KDM6B: variants seen among roughly 807,000 people sequenced by gnomAD.
KDM6B encodes the protein lysine-specific demethylase 6B.
A neutral mutation model predicts 150.4 loss-of-function variants in KDM6B; 22 were observed. The ratio of observed to expected loss-of-function variants is 0.15; its 90% CI spans 0.10 to 0.21. The LOEUF (loss-of-function observed/expected upper bound fraction) is 0.21, where lower values mean the gene tolerates loss of function less well. KDM6B is among the 10% of genes least tolerant of loss of function. KDM6B has a pLI of 1.00. For synonymous variants in KDM6B, 1,148 were observed against 921.1 expected, an observed-to-expected ratio of 1.25 and a Z score of -4.46; for missense variants, 1,984 against 2,234.3, an observed-to-expected ratio of 0.89 and a Z score of 2.26.
rs779925225 is a variant in KDM6B, at chr17:7,846,753, G to T, written c.711+13G>T. On this transcript the variant is annotated intron_variant, in intron 9 of 23. Transcript: ENST00000448097. ...CAACTCTGAACAGGTGTGGGTATAG[G>T]GGGGCCAGCAGGCAGTAAGTAGGCA... The T allele has an allele frequency of 3.1e-6, 5 of 1,613,968 alleles. No homozygotes were observed. The South Asian group carries it at 5.5e-5, about 18-fold the overall frequency.
In KDM6B at chr17:7,847,817, G is replaced by A. The variant is rs779498941; in HGVS notation, c.1529G>A (p.Gly510Glu). 488 of 1,546,484 alleles carry A rather than the reference G, an allele frequency of 3.2e-4. No individual in the cohort carries two copies. Among genetic ancestry groups the A allele is most frequent in the Non-Finnish European group, 3.8e-4 (440 of 1,145,070 alleles). ...GAAGAGCTCTTCTTTGGGACTGAGGGACCCCCCCGCCCTGCCCCACCACCC... is the reference window on the plus strand; with the variant it reads ...GAAGAGCTCTTCTTTGGGACTGAGGAACCCCCCCGCCCTGCCCCACCACCC... ...ILEELFFGTE[G>E]PPRPAPPPLP... The change falls in exon 12 of 24, where the codon GGA becomes GAA. Residue 510 changes from glycine to glutamate, a missense_variant. By Grantham distance (98) the Gly-to-Glu change is moderately conservative. Transcript: ENST00000448097.
Position 7,847,860 on chromosome 17 carries a change from C to T in KDM6B, c.1572C>T (p.Gly524=). 8.2e-7 allele frequency: 1 copy of T among 1,215,682 alleles called. No individual in the cohort carries two copies. Among genetic ancestry groups the T allele is most frequent in the Non-Finnish European group, 1.1e-6 (1 of 916,424 alleles). 75.3% of individuals were successfully genotyped at this position (1,215,682 alleles called of 1,614,324 possible). A position where few individuals can be genotyped will look rare whatever the true frequency, so the allele number is the denominator to read the frequency against. Residue 524 remains glycine (G), a synonymous_variant, in exon 12 of 24, where the codon GGC becomes GGT. Transcript: ENST00000448097. The part of the protein sequence containing the change: ...PAPPPLPHRE[G]FLGPPASRFS... ...CACCACCCCTCCCCCATCGCGAGGG[C>T]TTCTTGGGGCCTCCGGCCTCCCGCT...
At position 7,846,240 on chromosome 17, in the gene KDM6B, C is replaced by G; in HGVS notation, c.399C>G (p.Ala133=). 6.2e-7 allele frequency: 1 copy of G among 1,614,036 alleles called. No individual in the cohort carries two copies. Among genetic ancestry groups the G allele is most frequent in the Admixed American group, 1.7e-5 (1 of 60,026 alleles). ...AGGCCACACGCTGCTACCACAGCGC[C>G]CTTCGATACGGAGGAAGCTTCGCTG... ...SEEATRCYHS[A]LRYGGSFAEL... The change falls in exon 7 of 24, where the codon GCC becomes GCG. Residue 133 remains alanine (A), a synonymous_variant. Coordinates refer to ENST00000448097, the MANE Select transcript of KDM6B (RefSeq NM_001348716.2).
chr17:7,853,495 C>T lies in KDM6B; in HGVS notation c.4909-3C>T, dbSNP rs2078746973. On this transcript the variant is annotated splice_region_variant and splice_polypyrimidine_tract_variant and intron_variant, in intron 23 of 23. Coordinates refer to ENST00000448097, the MANE Select transcript of KDM6B (RefSeq NM_001348716.2). ...TGAGCCCCCGCCGGCTTTCTCCCCCCAGGCCCCAGCCAGCACGTCGCGATG... is the reference window on the plus strand; with the variant it reads ...TGAGCCCCCGCCGGCTTTCTCCCCCTAGGCCCCAGCCAGCACGTCGCGATG... 1 of 1,508,246 alleles carries T rather than the reference C, an allele frequency of 6.6e-7. No individual in the cohort carries two copies. Among genetic ancestry groups the T allele is most frequent in the African/African-American group, 1.4e-5 (1 of 71,036 alleles). 93.4% of individuals were successfully genotyped at this position (1,508,246 alleles called of 1,614,324 possible). A position where few individuals can be genotyped will look rare whatever the true frequency, so the allele number is the denominator to read the frequency against.
chr17:7,846,371 G>GGGCCGGCC, intron 7 of KDM6B, 29 bp from the exon 8 acceptor site: 7 of 1,488,856 alleles, frequency 4.7e-6, no homozygotes, highest in Non-Finnish European at 6.4e-6. Flanking sequence ...CCTGACATCT[G>GGGCCGGCC]CCCCTGCCCC....
chr17:7,836,625 T>G (rs546907912), intron 1 of KDM6B, among the ~76,000 whole-genome samples: 2 of 151,904 alleles, frequency 1.3e-5, no homozygotes, highest in African/African-American at 4.8e-5. Flanking sequence ...CCGTCAGAAA[T>G]GTGGGTTGGG....
Position 7,847,341 on chromosome 17 carries a change from C to T in KDM6B, c.1146C>T (p.Cys382=), listed in dbSNP as rs59062945. 8.2e-4 allele frequency: 1,316 copies of T among 1,610,970 alleles called. 9 individuals carry two copies. In the African/African-American group the frequency reaches 0.015, roughly 18 times the overall value. ...SSVSPAATTA[C]VPYAPSRPPG... The stretch of plus-strand genomic sequence containing the variant: ...TTTCACCAGCAGCAACCACCGCCTG[C>T]GTGCCTTACGCCCCTTCCCGGCCCC... The change falls in exon 11 of 24, where the codon TGC becomes TGT. Residue 382 remains cysteine, a synonymous_variant. Transcript: ENST00000448097.
At chr17:7,850,574 T>C (rs1335991181) in intron 14 of KDM6B, among the ~76,000 whole-genome samples, 3 of 152,266 alleles carry the variant, frequency 2.0e-5, no homozygotes, top group Admixed American at 1.3e-4. Context: ...ATGTTCTCCC[T>C]TCCCCACACT....
At chr17:7,840,679 C>G (rs118014787) in intron 2 of KDM6B, 1 of 152,242 alleles carries the variant, frequency 6.6e-6, no homozygotes, top group East Asian at 1.9e-4. Flanking sequence ...GGCTTAAGTT[C>G]TCTCTGTGTT....
Position 7,847,554 on chromosome 17 carries a change from T to C in KDM6B, c.1266T>C (p.Ala422=). The C allele has an allele frequency of 1.2e-6, 2 of 1,613,288 alleles. No homozygotes were observed. Among genetic ancestry groups the C allele is most frequent in the Non-Finnish European group, 1.7e-6 (2 of 1,179,920 alleles). Residue 422 remains alanine (A), a synonymous_variant, in exon 12 of 24, where the codon GCT becomes GCC. Coordinates refer to ENST00000448097, the MANE Select transcript of KDM6B (RefSeq NM_001348716.2). ...TGCTTCTACACTTGCAGCCCGGCGC[T>C]GACCATTACCAAACTCCCGCGCTGG... is the stretch of plus-strand genomic sequence containing the variant. ...GVEPNPGIPG[A]DHYQTPALEV...
In KDM6B at chr17:7,849,504, G is replaced by T. The variant is rs755974976; in HGVS notation, c.3216G>T (p.Lys1072Asn). 1.2e-6 allele frequency: 2 copies of T among 1,612,766 alleles called. No homozygotes were observed. The highest frequency in any genetic ancestry group is 1.7e-6 in the Non-Finnish European group (2 of 1,179,960). The change falls in exon 12 of 24, where the codon AAG (lysine) becomes AAT (asparagine). Residue 1072 changes from lysine (K) to asparagine (N), a missense_variant. This residue lies in a region of KDM6B where 1,379 missense variants were observed against 1,275.6 expected (regional missense o/e 1.08). Transcript: ENST00000448097. ...PTPPSASVPG[K>N]KAREEAPGPP... ...CCCCGTCAGCCTCTGTCCCTGGAAA[G>T]AAGGCTCGGGAGGAAGCCCCAGGGC...
rs752387263 is a variant in KDM6B, at chr17:7,846,991, A to C, written c.884A>C (p.Lys295Thr). Residue 295 changes from lysine (K) to threonine (T), a missense_variant, in exon 10 of 24, where the codon AAG becomes ACG. This residue lies in a region of KDM6B where 1,379 missense variants were observed against 1,275.6 expected (regional missense o/e 1.08). Coordinates refer to ENST00000448097, the MANE Select transcript of KDM6B (RefSeq NM_001348716.2). ...GGAGATGCCTGGGGCCCAGAGCGCAAGGGTTCAGCACCCCCAGAGCGCCAG... is the reference window on the plus strand; with the variant it reads ...GGAGATGCCTGGGGCCCAGAGCGCACGGGTTCAGCACCCCCAGAGCGCCAG... Reference protein sequence around the residue: ...LHGDAWGPERKGSAPPERQEQ... With the variant: ...LHGDAWGPERTGSAPPERQEQ... 9 of 1,613,250 alleles carry C rather than the reference A, an allele frequency of 5.6e-6. No homozygotes were observed. The South Asian group carries it at 9.9e-5, about 18-fold the overall frequency.
Position 7,848,068 on chromosome 17 carries a change from C to T in KDM6B, c.1780C>T (p.Pro594Ser). 6.2e-7 allele frequency: 1 copy of T among 1,612,752 alleles called. No homozygotes were observed. Among genetic ancestry groups the T allele is most frequent in the Non-Finnish European group, 8.5e-7 (1 of 1,179,534 alleles). ...CCGGCCTCCCAGCCCAGCACAGAAC[C>T]CCCAGGACCCACCTCTTGTACCCCT... ...LPRPPSPAQN[P>S]QDPPLVPLTL... Residue 594 changes from proline to serine, a missense_variant, in exon 12 of 24, where the codon CCC (proline) becomes TCC (serine). By Grantham distance (74) the Pro-to-Ser change is moderately conservative. Coordinates refer to ENST00000448097, the MANE Select transcript of KDM6B (RefSeq NM_001348716.2).
rs1460222473 is a variant in KDM6B at position 7,846,308 on chromosome 17, G to A, written c.456+11G>A. On this transcript the variant is annotated intron_variant, in intron 7 of 23. Coordinates refer to ENST00000448097, the MANE Select transcript of KDM6B (RefSeq NM_001348716.2). The stretch of plus-strand genomic sequence containing the variant: ...GGCCGACTGCAGCAGGTAGGAGAAG[G>A]CAGGGCGTGGGGGACGGGATTGTAC... 6.2e-7 allele frequency: 1 copy of A among 1,609,664 alleles called. No homozygotes were observed. Among genetic ancestry groups the A allele is most frequent in the Non-Finnish European group, 8.5e-7 (1 of 1,177,972 alleles).
At chr17:7,840,687 G>A (rs2078400500) in intron 2 of KDM6B, 1 of 152,200 alleles carries the variant, frequency 6.6e-6, no homozygotes, top group South Asian at 2.1e-4. Context: ...TTCTCTCTGT[G>A]TTGTTCTTCC....
Position 7,852,329 on chromosome 17 carries a change from C to T in KDM6B, c.4461C>T (p.Pro1487=), listed in dbSNP as rs746439140. 1 of 1,612,834 alleles carries T rather than the reference C, an allele frequency of 6.2e-7. No individual in the cohort carries two copies. Among genetic ancestry groups the T allele is most frequent in the Non-Finnish European group, 8.5e-7 (1 of 1,179,850 alleles). Residue 1487 remains proline, a synonymous_variant, in exon 20 of 24, where the codon CCC becomes CCT. Coordinates refer to ENST00000448097, the MANE Select transcript of KDM6B (RefSeq NM_001348716.2). ...WCNNIAWNVG[P]LTAYQYQLAL... Reference sequence around the variant, plus strand: ...ACAACATTGCCTGGAACGTGGGGCCCCTCACCGGTGAGAGGGTGGGGCAGG... The same window carrying T: ...ACAACATTGCCTGGAACGTGGGGCCTCTCACCGGTGAGAGGGTGGGGCAGG...
intron 7 of KDM6B, 29 bp from the exon 8 acceptor site, chr17:7,846,371 G>GGGGGGGGGGCGGGGGGGCCCCCCCCC: frequency 6.7e-7 from 1 of 1,488,926 alleles, no homozygotes; most frequent in Non-Finnish European, 9.2e-7. Flanking sequence ...CCTGACATCT[G>GGGGGGGGGGCGGGGGGGCCCCCCCCC]CCCCTGCCCC....
chr17:7,841,968 A>G (rs2078423795), intron 2 of KDM6B, among the ~76,000 whole-genome samples: 1 of 152,132 alleles, frequency 6.6e-6, no homozygotes, highest in South Asian at 2.1e-4. Context: ...ACGGGCAGGG[A>G]GCGGGTTGCG....
chr17:7,849,288 G>C lies in KDM6B; in HGVS notation c.3000G>C (p.Glu1000Asp). 1 of 1,556,288 alleles carries C rather than the reference G, an allele frequency of 6.4e-7. No individual in the cohort carries two copies. Among genetic ancestry groups the C allele is most frequent in the Non-Finnish European group, 8.7e-7 (1 of 1,149,826 alleles). The part of the protein sequence containing the change: ...CKDSVGRRPR[E>D]GRAKAKAKVP... ...ACAGTGTGGGTCGTCGGCCCCGTGA[G>C]GGCAGGGCAAAGGCCAAGGCCAAGG... The change falls in exon 12 of 24, where the codon GAG (glutamate) becomes GAC (aspartate). Residue 1000 changes from glutamate to aspartate, a missense_variant. Around this residue, in one of 13 missense-constraint regions of KDM6B, gnomAD observed 1,379 missense variants for 1,275.6 expected, o/e 1.08. Coordinates refer to ENST00000448097, the MANE Select transcript of KDM6B (RefSeq NM_001348716.2).
Sources: gnomAD v4.1 joint callset for allele counts (sites outside exome capture counted in the v4.1 genomes callset) on GRCh38, gnomAD v4.1.1 for gene constraint, gnomAD v4.1.1 regional missense constraint, MANE v1.5 for transcripts, NCBI Gene and HGNC (gene_info 2026-07-23, HGNC 2026-07-21) for gene names.